TARP: variants seen among roughly 807,000 people sequenced by gnomAD.
chr7:38,260,261 G>T, the TARP span: 7 of 1,231,336 alleles, frequency 5.7e-6, no homozygotes, highest in Non-Finnish European at 7.7e-6. Flanking sequence ...TCTTTTTACA[G>T]AATAAGATAC....
the TARP span, among the ~76,000 whole-genome samples, chr7:38,261,632 C>T: frequency 1.3e-3 from 190 of 151,358 alleles, no homozygotes; most frequent in Non-Finnish European, 2.0e-3. Context: ...CCCAACAGTT[C>T]GGGAGGGCGA....
At chr7:38,273,534 G>C in the TARP span, 2 of 1,392,130 alleles carry the variant, frequency 1.4e-6, no homozygotes, top group Non-Finnish European at 2.0e-6. Context: ...GCCAGCTCCT[G>C]CCTGCCAGCC....
At chr7:38,268,204 A>T in the TARP span, among the ~76,000 whole-genome samples, 130 of 151,444 alleles carry the variant, frequency 8.6e-4, no homozygotes, top group Non-Finnish European at 1.4e-3. Flanking sequence ...TATTTTATTT[A>T]AAATAATAAA....
At chr7:38,268,382 C>T in the TARP span, among the ~76,000 whole-genome samples, 1 of 151,416 alleles carries the variant, frequency 6.6e-6, no homozygotes. Context: ...ATTAAATCTA[C>T]ATATGGATAT....
the TARP span, among the ~76,000 whole-genome samples, chr7:38,264,354 G>A: frequency 1.3e-5 from 2 of 151,638 alleles, no homozygotes; most frequent in African/African-American, 2.4e-5. Flanking sequence ...GCACTTGGAG[G>A]CCGAGGTGGA....
chr7:38,267,452 C>A, the TARP span, among the ~76,000 whole-genome samples: 1 of 151,512 alleles, frequency 6.6e-6, no homozygotes, highest in Admixed American at 6.6e-5. Context: ...AATAATTGAA[C>A]AATTTCTAAG....
chr7:38,270,754 C>A, the TARP span, among the ~76,000 whole-genome samples: 1 of 150,736 alleles, frequency 6.6e-6, no homozygotes, highest in Admixed American at 6.7e-5. Flanking sequence ...TCACCATCTG[C>A]GCATTTCATT....
At chr7:38,263,711 T>A in the TARP span, among the ~76,000 whole-genome samples, 1 of 151,594 alleles carries the variant, frequency 6.6e-6, no homozygotes, top group East Asian at 1.9e-4. Flanking sequence ...GAAAACACAG[T>A]TGCATTGGTG....
At chr7:38,262,874 G>A in the TARP span, among the ~76,000 whole-genome samples, 7 of 151,488 alleles carry the variant, frequency 4.6e-5, no homozygotes, top group East Asian at 1.4e-3. Flanking sequence ...GCGCAGGCTG[G>A]TTTCAAACTC....
the TARP span, chr7:38,265,754 A>G: frequency 9.2e-7 from 1 of 1,083,560 alleles, no homozygotes. Context: ...GGAGTGGCCT[A>G]GTACATAACC....
At chr7:38,264,664 C>T in the TARP span, among the ~76,000 whole-genome samples, 11 of 151,414 alleles carry the variant, frequency 7.3e-5, no homozygotes, top group African/African-American at 2.7e-4. Context: ...AACTTCTCTC[C>T]TGTATAATAT....
chr7:38,273,482 T>C, the TARP span: 1 of 954,476 alleles, frequency 1.0e-6, no homozygotes, highest in Admixed American at 2.0e-5. Context: ...TCTGGAGATT[T>C]CACCATGATT....
At chr7:38,266,807 G>A in the TARP span, among the ~76,000 whole-genome samples, 2 of 151,740 alleles carry the variant, frequency 1.3e-5, no homozygotes, top group Non-Finnish European at 2.9e-5. Context: ...ATTTACAGCT[G>A]TACCTCCAGA....
the TARP span, among the ~76,000 whole-genome samples, chr7:38,266,274 T>C: frequency 2.6e-5 from 4 of 151,482 alleles, no homozygotes; most frequent in Non-Finnish European, 5.9e-5. Flanking sequence ...ATTTATCTTA[T>C]TATTTATCTT....
At chr7:38,260,750 A>C in the TARP span, among the ~76,000 whole-genome samples, 12 of 151,934 alleles carry the variant, frequency 7.9e-5, no homozygotes, top group Admixed American at 1.3e-4. Context: ...TCATAAAGTG[A>C]GAATTCCAGA....
At chr7:38,266,828 TC>T in the TARP span, among the ~76,000 whole-genome samples, 1 of 151,978 alleles carries the variant, frequency 6.6e-6, no homozygotes, top group East Asian at 1.9e-4. Flanking sequence ...TTATTCACCA[TC>T]TCCTGAATTT....
the TARP span, among the ~76,000 whole-genome samples, chr7:38,263,292 G>C: frequency 6.6e-6 from 1 of 152,052 alleles, no homozygotes; most frequent in African/African-American, 2.4e-5. Context: ...AGGAAATAAA[G>C]TTTAAAAAGT....
chr7:38,266,463 T>C, the TARP span, among the ~76,000 whole-genome samples: 1 of 151,906 alleles, frequency 6.6e-6, no homozygotes, highest in East Asian at 1.9e-4. Context: ...TGCATCACCA[T>C]GCCTGGCTAA....
the TARP span, among the ~76,000 whole-genome samples, chr7:38,268,050 T>G: frequency 1.3e-5 from 2 of 151,352 alleles, no homozygotes; most frequent in Non-Finnish European, 2.9e-5. Flanking sequence ...ATAGCATACT[T>G]GATTACACAT....
Sources: allele counts gnomAD v4.1 joint callset (sites outside exome capture counted in the v4.1 genomes callset), GRCh38; gene constraint gnomAD v4.1.1; transcripts MANE v1.5.